The following FCHO2 variants were observed in gnomAD, a reference collection of about 807,000 sequenced individuals.
FCHO2 encodes the protein F-BAR domain only protein 2.
Under a neutral mutation model 114.1 loss-of-function variants are expected in FCHO2, and 43 were observed. The ratio of observed to expected loss-of-function variants is 0.38; its 90% confidence interval spans 0.30 to 0.49. FCHO2 has a LOEUF of 0.49. Among genes scored for constraint, FCHO2 ranks in the 20% least tolerant of loss-of-function variants. The pLI, the probability that FCHO2 is intolerant of heterozygous loss-of-function variation, is 0.97. For synonymous variants in FCHO2, 293 were observed against 315.2 expected, an observed-to-expected ratio of 0.93 and a Z score of 0.75; for missense variants, 807 against 950.4, an observed-to-expected ratio of 0.85 and a Z score of 1.98.
At chr5:73,015,863 A>G (rs1370119292) in intron 7 of FCHO2, 139 bp downstream of exon 7, 1 of 443,434 alleles carries the variant, frequency 2.3e-6, no homozygotes, top group African/African-American at 2.1e-5. Context: ...TAAAGATAAT[A>G]TATTTACATG....
At chr5:73,083,472 A>G (rs1052300241) in intron 24 of FCHO2, among the ~76,000 whole-genome samples, 3 of 152,260 alleles carry the variant, frequency 2.0e-5, no homozygotes, top group African/African-American at 7.2e-5. Context: ...TTAAAGAAAT[A>G]GAACTCTATG....
Position 73,041,334 on chromosome 5 carries a change from G to A in FCHO2, c.939+19G>A, listed in dbSNP as rs1756795839. 7.0e-7 allele frequency: 1 copy of A among 1,425,982 alleles called. No individual in the cohort carries two copies. The highest frequency in any genetic ancestry group is 1.2e-5 in the South Asian group (1 of 84,578). 88.3% of individuals were successfully genotyped at this position (1,425,982 alleles called of 1,614,324 possible). On this transcript the variant is annotated intron_variant, in intron 11 of 25. Coordinates refer to ENST00000430046, the MANE Select transcript of FCHO2 (RefSeq NM_138782.3). ...TTCATTGGTAAGTAGATTTAACTTTGATATAAACAATTTAAATTAGTTATT... is the reference window on the plus strand; with the variant it reads ...TTCATTGGTAAGTAGATTTAACTTTAATATAAACAATTTAAATTAGTTATT...
intron 17 of FCHO2, among the ~76,000 whole-genome samples, chr5:73,059,541 T>C (rs1757753813): frequency 6.6e-6 from 1 of 150,394 alleles, no homozygotes; most frequent in Non-Finnish European, 1.5e-5. Flanking sequence ...AAAAGCCATG[T>C]TGAAATATCT....
At position 73,068,692 on chromosome 5, in the gene FCHO2, C is replaced by A; in HGVS notation, c.1492C>A (p.Pro498Thr). The A allele has an allele frequency of 6.2e-7, 1 of 1,612,450 alleles. No homozygotes were observed. Among genetic ancestry groups the A allele is most frequent in the South Asian group, 1.1e-5 (1 of 91,044 alleles). The change falls in exon 19 of 26, where the codon CCT (proline) becomes ACT (threonine). Residue 498 changes from proline to threonine, a missense_variant. Transcript: ENST00000430046. Reference sequence around the variant, plus strand: ...ACCTGTAACTTCCAACACCAGCCCACCTCCTGCTGCACCATTAGCCCGGGC... The same window carrying A: ...ACCTGTAACTTCCAACACCAGCCCAACTCCTGCTGCACCATTAGCCCGGGC... ...SPPVTSNTSP[P>T]PAAPLARAES...
chr5:73,033,567 A>G (rs1756345619), intron 8 of FCHO2, among the ~76,000 whole-genome samples: 1 of 152,130 alleles, frequency 6.6e-6, no homozygotes, highest in South Asian at 2.1e-4. Context: ...AAAATCCTCT[A>G]TCATCTACTC....
chr5:73,054,111 A>G (rs1057365082), intron 13 of FCHO2, 49 bp from the exon 14 acceptor site: 9 of 1,339,666 alleles, frequency 6.7e-6, no homozygotes, highest in Non-Finnish European at 9.1e-6. Flanking sequence ...ACAAAAATAC[A>G]GTATTCAGAA....
intron 17 of FCHO2, among the ~76,000 whole-genome samples, chr5:73,060,471 C>T (rs1007078259): frequency 2.6e-5 from 4 of 152,018 alleles, no homozygotes; most frequent in African/African-American, 7.2e-5. Flanking sequence ...AGTGAAGTTA[C>T]GAAATAGGCA....
rs1476756190 is a variant in FCHO2 at position 73,088,818 on chromosome 5, A to G, written c.*728A>G. On this transcript the variant is annotated 3_prime_UTR_variant, in exon 26 of 26. Coordinates refer to ENST00000430046, the MANE Select transcript of FCHO2 (RefSeq NM_138782.3). ...TTGATGAATTAATGCTGTAGATTTAATTTATTTTTATATGGAATTGCATAA... is the reference window on the plus strand; with the variant it reads ...TTGATGAATTAATGCTGTAGATTTAGTTTATTTTTATATGGAATTGCATAA... The G allele has an allele frequency of 2.0e-5, 3 of 152,540 alleles. No individual in the cohort carries two copies. Among genetic ancestry groups the G allele is most frequent in the Non-Finnish European group, 4.4e-5 (3 of 68,002 alleles). The allele number at this position is 152,540 out of a possible 1,614,324, so 9.4% of individuals were successfully genotyped here. A position where few individuals can be genotyped will look rare whatever the true frequency, so the allele number is the denominator to read the frequency against.
intron 8 of FCHO2, among the ~76,000 whole-genome samples, chr5:73,020,418 T>C (rs1161146351): frequency 6.6e-6 from 1 of 152,194 alleles, no homozygotes; most frequent in African/African-American, 2.4e-5. Context: ...ACTGTATGGA[T>C]ATGCATTCAG....
At chr5:73,054,050 G>T in intron 13 of FCHO2, 110 bp from the exon 14 acceptor site, 2 of 746,156 alleles carry the variant, frequency 2.7e-6, no homozygotes, top group East Asian at 3.0e-5. Context: ...TGTGTTTTAA[G>T]GTGTATATAG....
intron 20 of FCHO2, 97 bp from the exon 21 acceptor site, chr5:73,077,241 T>C (rs895423661): frequency 1.0e-6 from 1 of 996,204 alleles, no homozygotes; most frequent in Admixed American, 2.7e-5. Flanking sequence ...GGTGCGTGTG[T>C]GTGTGCGCAC....
intron 1 of FCHO2, among the ~76,000 whole-genome samples, chr5:72,958,237 A>G (rs11748461): frequency 0.12 from 17,898 of 152,038 alleles, 1,261 homozygotes; most frequent in Non-Finnish European, 0.17. Context: ...CTTTTATTGC[A>G]TCTAACCCAA....
At chr5:73,013,258 T>C (rs1302697331) in intron 6 of FCHO2, among the ~76,000 whole-genome samples, 3 of 152,146 alleles carry the variant, frequency 2.0e-5, no homozygotes, top group Non-Finnish European at 4.4e-5. Context: ...TTCACCATTC[T>C]GGATTTTTTT....
At chr5:73,076,151 A>C (rs1274646324) in intron 20 of FCHO2, among the ~76,000 whole-genome samples, 1 of 152,134 alleles carries the variant, frequency 6.6e-6, no homozygotes, top group African/African-American at 2.4e-5. Context: ...CATTTCTTGA[A>C]GGCAGGTGTG....
intron 11 of FCHO2, among the ~76,000 whole-genome samples, chr5:73,050,379 C>T (rs749553240): frequency 5.9e-5 from 9 of 151,518 alleles, no homozygotes; most frequent in Admixed American, 1.3e-4. Flanking sequence ...AGTGCAGTGG[C>T]GTGATCTCGG....
intron 10 of FCHO2, 54 bp downstream of exon 10, chr5:73,037,269 A>G (rs1282095104): frequency 3.0e-6 from 4 of 1,335,554 alleles, no homozygotes; most frequent in Non-Finnish European, 3.1e-6. Flanking sequence ...GTGATTAAGA[A>G]TAAGACTTTT....
chr5:72,983,054 C>A (rs1283302735), intron 2 of FCHO2, among the ~76,000 whole-genome samples: 1 of 151,970 alleles, frequency 6.6e-6, no homozygotes, highest in Non-Finnish European at 1.5e-5. Context: ...GCTGGGACTA[C>A]AGGCACCCGC....
intron 8 of FCHO2, among the ~76,000 whole-genome samples, chr5:73,026,296 C>A (rs1755912671): frequency 6.6e-6 from 1 of 151,938 alleles, no homozygotes; most frequent in African/African-American, 2.4e-5. Context: ...GTGGTGAAAC[C>A]CTGTCTCTAC....
intron 5 of FCHO2, among the ~76,000 whole-genome samples, chr5:72,996,411 G>A (rs1251586421): frequency 6.6e-6 from 1 of 152,130 alleles, no homozygotes. Context: ...GTGAGTAAAT[G>A]TAAAAAGCAT....
Sources: allele counts gnomAD v4.1 joint callset (sites outside exome capture counted in the v4.1 genomes callset), GRCh38; gene constraint gnomAD v4.1.1; transcripts MANE v1.5; gene names NCBI Gene and HGNC (gene_info 2026-07-23, HGNC 2026-07-21).